The following PDE3A variants were observed in gnomAD, a reference collection of about 807,000 sequenced individuals.
PDE3A encodes the protein phosphodiesterase 3A, also known as cGMP-inhibited 3',5'-cyclic phosphodiesterase 3A.
In PDE3A, 43 loss-of-function variants were observed where a neutral mutation model predicts 98.3. The observed-to-expected ratio is 0.44, with a 90% CI of 0.34 to 0.56. The LOEUF (loss-of-function observed/expected upper bound fraction) is 0.56. Ranked by LOEUF, PDE3A falls within the 20% of genes least tolerant of loss-of-function variation. The pLI is 0.01. For synonymous variants in PDE3A, 663 were observed against 567.9 expected, an observed-to-expected ratio of 1.17 and a Z score of -2.38; for missense variants, 1,427 against 1,440.7, an observed-to-expected ratio of 0.99 and a Z score of 0.15.
chr12:20,673,326 T>C (rs1451706885), intron 15 of PDE3A, among the ~76,000 whole-genome samples: 4 of 149,012 alleles, frequency 2.7e-5, no homozygotes, highest in Admixed American at 2.0e-4. Context: ...GAAATACCAT[T>C]TGACCCAGCC....
intron 1 of PDE3A, among the ~76,000 whole-genome samples, chr12:20,545,536 A>T (rs759408078): frequency 8.2e-4 from 125 of 152,186 alleles, no homozygotes; most frequent in Non-Finnish European, 1.4e-3. Flanking sequence ...AATGCTATAT[A>T]TCAGGCTCTC....
chr12:20,427,726 A>G (rs776588448), intron 1 of PDE3A, among the ~76,000 whole-genome samples: 4 of 152,076 alleles, frequency 2.6e-5, no homozygotes, highest in Non-Finnish European at 5.9e-5. Flanking sequence ...GTATTTTTTC[A>G]TGAGGTAGAC....
chr12:20,386,703 T>C (rs1943816730), intron 1 of PDE3A, among the ~76,000 whole-genome samples: 1 of 152,050 alleles, frequency 6.6e-6, no homozygotes, highest in Non-Finnish European at 1.5e-5. Flanking sequence ...GATGAATAGA[T>C]TGCAAAAATT....
chr12:20,533,590 T>A (rs1300029469), intron 1 of PDE3A, among the ~76,000 whole-genome samples: 1 of 151,130 alleles, frequency 6.6e-6, no homozygotes, highest in African/African-American at 2.4e-5. Flanking sequence ...CCCGCCATTC[T>A]CCTGCCTCAG....
In PDE3A at chr12:20,641,882, G is replaced by A. The variant is rs1312134837; in HGVS notation, c.2251+1925G>A. On this transcript the variant is annotated intron_variant, in intron 10 of 15. Transcript: ENST00000359062. ...AGAAGTCCCAGATAGTCTCCATAAA[G>A]GGAATTTATTTACATCTTCTCATAG... Among the ~76,000 whole-genome samples the A allele has an allele frequency of 3.9e-5, 6 of 152,086 alleles. No homozygotes were observed. In the South Asian group the frequency reaches 1.2e-3, roughly 32 times the overall value.
chr12:20,591,431 A>C (rs2121377458), intron 2 of PDE3A, among the ~76,000 whole-genome samples: 1 of 152,372 alleles, frequency 6.6e-6, no homozygotes, highest in South Asian at 2.1e-4. Flanking sequence ...AGAAGAAATT[A>C]GCATAAAATA....
chr12:20,636,789 T>A (rs920301799), intron 8 of PDE3A, among the ~76,000 whole-genome samples: 1 of 152,196 alleles, frequency 6.6e-6, no homozygotes, highest in Non-Finnish European at 1.5e-5. Flanking sequence ...AACCTTGCAG[T>A]AGTCCCAAAG....
intron 1 of PDE3A, among the ~76,000 whole-genome samples, chr12:20,504,680 C>T: frequency 6.6e-6 from 1 of 151,990 alleles, no homozygotes; most frequent in East Asian, 1.9e-4. Flanking sequence ...TGGCTTGCGA[C>T]CCTCTTTCTC....
chr12:20,680,490 A>G lies in PDE3A; in HGVS notation c.*219A>G, dbSNP rs975982676. The stretch of plus-strand genomic sequence containing the variant: ...CTTTCACATTGCAACACCAGCTTCT[A>G]AGGATTTTTTAAGGAGGGAATATAT... On this transcript the variant is annotated 3_prime_UTR_variant, in exon 16 of 16. Coordinates refer to ENST00000359062, the MANE Select transcript of PDE3A (RefSeq NM_000921.5). 1 of 530,914 alleles carries G rather than the reference A, an allele frequency of 1.9e-6. No individual in the cohort carries two copies. The highest frequency in any genetic ancestry group is 3.4e-6 in the Non-Finnish European group (1 of 293,414). The allele number at this position is 530,914 out of a possible 1,614,324, so 32.9% of individuals were successfully genotyped here. A position where few individuals can be genotyped will look rare whatever the true frequency, so the allele number is the denominator to read the frequency against.
chr12:20,466,437 C>T (rs1945340657), intron 1 of PDE3A, among the ~76,000 whole-genome samples: 1 of 152,176 alleles, frequency 6.6e-6, no homozygotes, highest in South Asian at 2.1e-4. Flanking sequence ...ATGAGATACA[C>T]AGATGCCATT....
At chr12:20,602,697 T>C (rs1434714572) in intron 2 of PDE3A, among the ~76,000 whole-genome samples, 6 of 151,974 alleles carry the variant, frequency 3.9e-5, no homozygotes, top group Non-Finnish European at 8.8e-5. Flanking sequence ...ACATACATAT[T>C]ATCTTAAGGA....
intron 2 of PDE3A, among the ~76,000 whole-genome samples, chr12:20,602,907 T>A (rs942771568): frequency 6.6e-6 from 1 of 152,228 alleles, no homozygotes; most frequent in Non-Finnish European, 1.5e-5. Flanking sequence ...TAAACACATA[T>A]GCAATTTTGC....
chr12:20,576,239 T>A (rs1335919639), intron 2 of PDE3A, among the ~76,000 whole-genome samples: 1 of 152,052 alleles, frequency 6.6e-6, no homozygotes, highest in South Asian at 2.1e-4. Context: ...ATTGAGAGAA[T>A]TGCTTAAATT....
At chr12:20,462,881 C>A (rs1945276778) in intron 1 of PDE3A, among the ~76,000 whole-genome samples, 2 of 152,022 alleles carry the variant, frequency 1.3e-5, no homozygotes, top group South Asian at 4.2e-4. Context: ...CCTTGACCTT[C>A]CAGGCTCAAG....
At chr12:20,428,272 T>C (rs1306370078) in intron 1 of PDE3A, among the ~76,000 whole-genome samples, 1 of 152,000 alleles carries the variant, frequency 6.6e-6, no homozygotes, top group East Asian at 1.9e-4. Flanking sequence ...AATTAAAATA[T>C]TATTATTAGT....
intron 2 of PDE3A, among the ~76,000 whole-genome samples, chr12:20,594,064 T>C (rs554474506): frequency 1.3e-5 from 2 of 152,258 alleles, no homozygotes; most frequent in South Asian, 4.1e-4. Flanking sequence ...GATTAAGATA[T>C]TTATTAATAT....
At chr12:20,404,510 C>G (rs965788410) in intron 1 of PDE3A, among the ~76,000 whole-genome samples, 3 of 152,042 alleles carry the variant, frequency 2.0e-5, no homozygotes, top group South Asian at 2.1e-4. Context: ...TTAATTTTTT[C>G]TTTATTCTGA....
At chr12:20,542,470 CACAT>C (rs537450420) in intron 1 of PDE3A, among the ~76,000 whole-genome samples, 6 of 116,744 alleles carry the variant, frequency 5.1e-5, no homozygotes, top group South Asian at 3.0e-4. Context: ...CACACACACA[CACAT>C]ACACTTTTAA....
intron 2 of PDE3A, among the ~76,000 whole-genome samples, chr12:20,573,432 A>G (rs533588655): frequency 2.8e-4 from 42 of 151,638 alleles, no homozygotes; most frequent in Admixed American, 2.8e-3. Context: ...TATTATTATT[A>G]TACCTTTACC....
Sources: allele counts gnomAD v4.1 joint callset (sites outside exome capture counted in the v4.1 genomes callset), GRCh38; gene constraint gnomAD v4.1.1; transcripts MANE v1.5; gene names NCBI Gene and HGNC (gene_info 2026-07-23, HGNC 2026-07-21).